PCDH17: variants seen among roughly 807,000 people sequenced by gnomAD.
PCDH17 encodes protocadherin-17.
Under a neutral mutation model 67.7 loss-of-function variants are expected in PCDH17, and 21 were observed. The observed-to-expected ratio is 0.31, with a 90% confidence interval of 0.22 to 0.45. The LOEUF (loss-of-function observed/expected upper bound fraction) is 0.45, where lower values mean the gene tolerates loss of function less well. Among genes scored for constraint, PCDH17 ranks in the 20% least tolerant of loss-of-function variants. The probability of loss-of-function intolerance (pLI) is 1.00; values close to 1 mark genes in which losing one functional copy is unlikely to be tolerated. For synonymous variants in PCDH17, 701 were observed against 656.7 expected (o/e 1.07, Z -1.03); for missense variants, 1,471 against 1,564.8 (o/e 0.94, Z 1.01).
Position 57,633,293 on chromosome 13 carries a change from G to T in PCDH17, c.747G>T (p.Leu249Phe). The T allele has an allele frequency of 1.2e-6, 2 of 1,613,314 alleles. No homozygotes were observed. ...NSPVFEAPSY[L>F]VELPENAPLG... is the part of the protein sequence containing the mutation. ...CGGTCTTCGAGGCGCCATCCTACTT[G>T]GTGGAACTGCCCGAGAACGCTCCGC... Residue 249 changes from leucine to phenylalanine, a missense_variant, in exon 1 of 4, where the codon TTG becomes TTT. Physicochemically the swap from Leu to Phe is conservative, Grantham distance 22 (BLOSUM62 0). Transcript: ENST00000377918. This position sits in a 1 kb window ranked among gnomAD's most constrained non-coding sequence, Gnocchi z 6.2.
chr13:57,651,223 GA>G, intron 1 of PCDH17, among the ~76,000 whole-genome samples: 1 of 152,044 alleles, frequency 6.6e-6, no homozygotes, highest in Non-Finnish European at 1.5e-5. Context: ...TAAATTTCAT[GA>G]AAAATTATAT....
Position 57,635,004 on chromosome 13 carries a change from T to G in PCDH17, c.2458T>G (p.Ser820Ala). The change falls in exon 1 of 4, where the codon TCC (serine) becomes GCC (alanine). Residue 820 changes from serine to alanine, a missense_variant. By Grantham distance (99) the Ser-to-Ala change is moderately conservative. Coordinates refer to ENST00000377918, the MANE Select transcript of PCDH17 (RefSeq NM_001040429.3). Reference sequence around the variant, plus strand: ...GGAGGTGATGTATCTCAAACCGGCCTCCAACAACCTGACTGTCCCTCAGGG... The same window carrying G: ...GGAGGTGATGTATCTCAAACCGGCCGCCAACAACCTGACTGTCCCTCAGGG... ...RSEVMYLKPA[S>A]NNLTVPQGHA... The G allele has an allele frequency of 6.2e-7, 1 of 1,613,586 alleles. No individual in the cohort carries two copies. The highest frequency in any genetic ancestry group is 8.5e-7 in the Non-Finnish European group (1 of 1,179,988).
At chr13:57,721,752 T>G (rs1342948409) in intron 3 of PCDH17, among the ~76,000 whole-genome samples, 1 of 152,076 alleles carries the variant, frequency 6.6e-6, no homozygotes, top group Non-Finnish European at 1.5e-5. Context: ...TTTCCCTCCT[T>G]CCCTTCACTT....
intron 3 of PCDH17, among the ~76,000 whole-genome samples, chr13:57,685,861 G>A (rs540452670): frequency 2.6e-5 from 4 of 152,056 alleles, no homozygotes; most frequent in South Asian, 4.1e-4. Context: ...CAAGGCAGGA[G>A]CATCTCCTGA....
intron 3 of PCDH17, among the ~76,000 whole-genome samples, chr13:57,677,847 A>G (rs1346739297): frequency 6.6e-6 from 1 of 151,826 alleles, no homozygotes; most frequent in Non-Finnish European, 1.5e-5. Context: ...ATCCAAAAAT[A>G]CTGATCTCAT....
At chr13:57,678,903 A>T (rs1955421009) in intron 3 of PCDH17, among the ~76,000 whole-genome samples, 1 of 151,494 alleles carries the variant, frequency 6.6e-6, no homozygotes, top group Non-Finnish European at 1.5e-5. Flanking sequence ...TTGAAACTGT[A>T]TGCTTTCCAG....
chr13:57,634,109 C>T lies in PCDH17; in HGVS notation c.1563C>T (p.Ile521=). Residue 521 remains isoleucine (I), a synonymous_variant, in exon 1 of 4, where the codon ATC becomes ATT. Transcript: ENST00000377918. This position sits in a 1 kb window ranked among gnomAD's most constrained non-coding sequence, Gnocchi z 7.8. ...ILPSHIGDVS[I]YTYVSVNPTN... ...CCTCGCACATCGGCGACGTGTCTATCTACACCTATGTGTCTGTGAATCCCA... is the reference window on the plus strand; with the variant it reads ...CCTCGCACATCGGCGACGTGTCTATTTACACCTATGTGTCTGTGAATCCCA... 6.2e-7 allele frequency: 1 copy of T among 1,613,630 alleles called. No individual in the cohort carries two copies. Among genetic ancestry groups the T allele is most frequent in the Non-Finnish European group, 8.5e-7 (1 of 1,180,034 alleles).
intron 3 of PCDH17, among the ~76,000 whole-genome samples, chr13:57,677,187 G>T (rs1955400986): frequency 6.6e-6 from 1 of 151,688 alleles, no homozygotes; most frequent in African/African-American, 2.4e-5. Context: ...ATTCCAGTGA[G>T]GATTCCTAGC....
chr13:57,642,083 T>C (rs1382226939), intron 1 of PCDH17, among the ~76,000 whole-genome samples: 1 of 151,814 alleles, frequency 6.6e-6, no homozygotes, highest in Non-Finnish European at 1.5e-5. Context: ...ATAATAGTGA[T>C]ACACCATATT....
At chr13:57,646,322 A>C (rs1954965972) in intron 1 of PCDH17, among the ~76,000 whole-genome samples, 1 of 151,682 alleles carries the variant, frequency 6.6e-6, no homozygotes, top group Non-Finnish European at 1.5e-5. Context: ...CACAACTTTC[A>C]GAGGTGTTTA....
At chr13:57,693,524 A>G (rs915721504) in intron 3 of PCDH17, among the ~76,000 whole-genome samples, 1 of 149,754 alleles carries the variant, frequency 6.7e-6, no homozygotes, top group Non-Finnish European at 1.5e-5. Flanking sequence ...AATGATGCGT[A>G]AAGTCAAATT....
chr13:57,723,409 C>T (rs1955887441), intron 3 of PCDH17, among the ~76,000 whole-genome samples: 1 of 152,048 alleles, frequency 6.6e-6, no homozygotes, highest in East Asian at 1.9e-4. Flanking sequence ...AAGTGATATA[C>T]AAATTTATCA....
chr13:57,643,879 A>G (rs1301866355), intron 1 of PCDH17, among the ~76,000 whole-genome samples: 1 of 151,728 alleles, frequency 6.6e-6, no homozygotes, highest in Admixed American at 6.6e-5. Flanking sequence ...TGATTAAATC[A>G]GAAATTCCTG....
chr13:57,652,839 T>C (rs1158261051), intron 1 of PCDH17, among the ~76,000 whole-genome samples: 1 of 152,176 alleles, frequency 6.6e-6, no homozygotes, highest in Non-Finnish European at 1.5e-5. Flanking sequence ...ATTTATCATA[T>C]TGAGGTATCT....
At chr13:57,724,268 G>C (rs961643683) in intron 3 of PCDH17, among the ~76,000 whole-genome samples, 1 of 152,102 alleles carries the variant, frequency 6.6e-6, no homozygotes, top group Non-Finnish European at 1.5e-5. Flanking sequence ...GAAGTTCACT[G>C]TTTCTAGGAT....
Position 57,633,437 on chromosome 13 carries a change from C to A in PCDH17, c.891C>A (p.Asp297Glu). ...GCGTGCGGGAGCTCTTCTCCATCGA[C>A]CCCAAGACCGGCCTAATCCGTGTGA... ...PDRVRELFSIDPKTGLIRVKG... is the reference protein window; with the variant it reads ...PDRVRELFSIEPKTGLIRVKG... Residue 297 changes from aspartate (D) to glutamate (E), a missense_variant, in exon 1 of 4, where the codon GAC becomes GAA. Asp to Glu is a conservative substitution (Grantham distance 45). This residue lies in a region of PCDH17 where 1,163 missense variants were observed against 1,230.0 expected (regional missense o/e 0.95). Coordinates refer to ENST00000377918, the MANE Select transcript of PCDH17 (RefSeq NM_001040429.3). This position sits in a 1 kb window ranked among gnomAD's most constrained non-coding sequence, Gnocchi z 6.2. 6.2e-7 allele frequency: 1 copy of A among 1,613,612 alleles called. No individual in the cohort carries two copies. The highest frequency in any genetic ancestry group is 8.5e-7 in the Non-Finnish European group (1 of 1,180,032).
intron 3 of PCDH17, among the ~76,000 whole-genome samples, chr13:57,704,923 T>A (rs1955706355): frequency 6.6e-6 from 1 of 151,998 alleles, no homozygotes; most frequent in African/African-American, 2.4e-5. Flanking sequence ...ATATCATGTG[T>A]ATATGTGTAT....
At position 57,634,929 on chromosome 13, in the gene PCDH17, C is replaced by T; in HGVS notation, c.2383C>T (p.Pro795Ser). The T allele has an allele frequency of 1.2e-6, 2 of 1,613,856 alleles. No individual in the cohort carries two copies. The highest frequency in any genetic ancestry group is 1.7e-6 in the Non-Finnish European group (2 of 1,179,960). ...GAGCAGCCCCTCCCTGGCCACCTCCCCCATGTACTTCGACTACCAGACCCG... is the reference window on the plus strand; with the variant it reads ...GAGCAGCCCCTCCCTGGCCACCTCCTCCATGTACTTCGACTACCAGACCCG... ...VVSSPSLATS[P>S]MYFDYQTRLP... Residue 795 changes from proline to serine, a missense_variant, in exon 1 of 4, where the codon CCC becomes TCC. Pro to Ser is a moderately conservative substitution (Grantham distance 74). Transcript: ENST00000377918. This position sits in a 1 kb window ranked among gnomAD's most constrained non-coding sequence, Gnocchi z 7.8.
intron 3 of PCDH17, among the ~76,000 whole-genome samples, chr13:57,702,823 A>G (rs1382108791): frequency 6.6e-6 from 1 of 152,106 alleles, no homozygotes; most frequent in Non-Finnish European, 1.5e-5. Flanking sequence ...TCACATTCTG[A>G]ACTGCTGCGA....
Sources: allele counts gnomAD v4.1 joint callset (sites outside exome capture counted in the v4.1 genomes callset), GRCh38; gene constraint gnomAD v4.1.1; regional missense constraint gnomAD v4.1.1; non-coding constraint Gnocchi (gnomAD v3.1); transcripts MANE v1.5; gene names NCBI Gene and HGNC (gene_info 2026-07-23, HGNC 2026-07-21).